COL11A1: variants seen among roughly 807,000 people sequenced by gnomAD.
COL11A1 encodes collagen alpha-1(XI) chain.
COL11A1 carries 74 observed loss-of-function variants against 265.2 expected under a neutral mutation model. That is an observed-to-expected ratio of 0.28 (90% CI 0.23 to 0.34). The LOEUF (loss-of-function observed/expected upper bound fraction) is 0.34. Ranked by LOEUF, COL11A1 falls within the 10% of genes least tolerant of loss-of-function variation. The probability of loss-of-function intolerance (pLI) is 1.00; values close to 1 mark genes in which losing one functional copy is unlikely to be tolerated. For missense variants in COL11A1, 2,165 were observed against 2,263.6 expected (o/e 0.96, Z 0.88); for synonymous variants, 816 against 727.6 (o/e 1.12, Z -1.96).
chr1:102,882,592 A>C (rs988051044), intron 64 of COL11A1, among the ~76,000 whole-genome samples: 2 of 152,162 alleles, frequency 1.3e-5, no homozygotes, highest in Non-Finnish European at 2.9e-5. Flanking sequence ...AGGAAGAATG[A>C]GATTTATTAC....
chr1:102,878,115 A>C lies in COL11A1; in HGVS notation c.5325T>G (p.Ile1775Met). The change falls in exon 67 of 67, where the codon ATT becomes ATG. Residue 1775 changes from isoleucine to methionine, a missense_variant. Ile to Met is a conservative substitution (Grantham distance 10, BLOSUM62 1). Transcript: ENST00000370096. ...TGACATCAACAATAGGTACTTGATC[A>C]ATTTTTGGTGTATTGATTTCAATGA... is the stretch of plus-strand genomic sequence containing the variant. ...KTVIEINTPK[I>M]DQVPIVDVMI... The C allele has an allele frequency of 6.2e-7, 1 of 1,613,402 alleles. No homozygotes were observed. Among genetic ancestry groups the C allele is most frequent in the South Asian group, 1.1e-5 (1 of 91,064 alleles).
Position 102,937,223 on chromosome 1 carries a change from C to T in COL11A1, c.3438+1812G>A, listed in dbSNP as rs1016466274. 3.9e-5 allele frequency among the ~76,000 whole-genome samples: 6 copies of T among 152,104 alleles called. No homozygotes were observed. The East Asian group carries it at 1.2e-3, about 29-fold the overall frequency. ...CTTTTTGGGCTCCTAAAAACCTTTC[C>T]GAGTATGCAAGGGTCCTAAGGCAAA... On this transcript the variant is annotated intron_variant, in intron 44 of 66. Transcript: ENST00000370096.
At chr1:102,915,500 G>T in intron 50 of COL11A1, 131 bp downstream of exon 50, 1 of 794,516 alleles carries the variant, frequency 1.3e-6, no homozygotes, top group Non-Finnish European at 2.3e-6. Context: ...TTGTATTTGT[G>T]ATTTTCCTTA....
intron 52 of COL11A1, among the ~76,000 whole-genome samples, chr1:102,914,132 G>C (rs578105115): frequency 1.3e-5 from 2 of 152,162 alleles, no homozygotes; most frequent in African/African-American, 4.8e-5. Context: ...TAATCCAATT[G>C]TTGTACCTAT....
In COL11A1 at chr1:102,877,782, G is replaced by A. The variant is rs1336139685; in HGVS notation, c.*237C>T. ...ATAGGAAAAGGAGAGTTGAGAATTG[G>A]GAATCAAGAATCAGCCCTGTTTCCA... is the stretch of plus-strand genomic sequence containing the variant. On this transcript the variant is annotated 3_prime_UTR_variant, in exon 67 of 67. Transcript: ENST00000370096. The A allele has an allele frequency of 2.3e-6, 1 of 426,184 alleles. No homozygotes were observed. The highest frequency in any genetic ancestry group is 2.0e-5 in the African/African-American group (1 of 49,592). 26.4% of individuals were successfully genotyped at this position (426,184 alleles called of 1,614,324 possible).
intron 6 of COL11A1, chr1:103,025,908 A>G (rs1440936903): frequency 1.2e-6 from 2 of 1,612,828 alleles, no homozygotes; most frequent in South Asian, 1.1e-5. Context: ...CCTTTGATTT[A>G]GTAGCCACTG....
chr1:102,915,785 T>C, intron 49 of COL11A1, 101 bp from the exon 50 acceptor site: 1 of 938,512 alleles, frequency 1.1e-6, no homozygotes, highest in South Asian at 1.6e-5. Flanking sequence ...CCCTTATTTT[T>C]TTATATTATT....
At chr1:102,936,493 GA>G (rs2101241700) in intron 44 of COL11A1, among the ~76,000 whole-genome samples, 1 of 152,196 alleles carries the variant, frequency 6.6e-6, no homozygotes, top group African/African-American at 2.4e-5. Context: ...GGATTTCAAA[GA>G]AAACAACTGA....
chr1:102,990,296 C>T (rs1026043072), intron 28 of COL11A1, among the ~76,000 whole-genome samples: 3 of 151,480 alleles, frequency 2.0e-5, no homozygotes, highest in African/African-American at 4.8e-5. Flanking sequence ...ATGATTTTCC[C>T]TTAATTTACT....
chr1:103,003,036 C>G (rs1665269340), intron 21 of COL11A1, among the ~76,000 whole-genome samples, 179 bp downstream of exon 21: 3 of 151,974 alleles, frequency 2.0e-5, no homozygotes, highest in Admixed American at 2.0e-4. Flanking sequence ...GATAGATAAT[C>G]AAAAGGAAGA....
In COL11A1 at chr1:103,025,153, G is replaced by A. The variant is rs1171550042; in HGVS notation, c.990+368C>T. On this transcript the variant is annotated intron_variant, in intron 7 of 66. Coordinates refer to ENST00000370096, the MANE Select transcript of COL11A1 (RefSeq NM_001854.4). ...GAGTAAAATTCTAATTGTATCCTTCGATGATACAATTTTCACTTTAGAGGA... is the reference window on the plus strand; with the variant it reads ...GAGTAAAATTCTAATTGTATCCTTCAATGATACAATTTTCACTTTAGAGGA... Among the ~76,000 whole-genome samples, 3 of 152,006 alleles carry A rather than the reference G, an allele frequency of 2.0e-5. No homozygotes were observed. The East Asian group carries it at 5.8e-4, about 29-fold the overall frequency.
intron 6 of COL11A1, 43 bp downstream of exon 6, chr1:103,026,173 G>T: frequency 2.2e-6 from 3 of 1,392,378 alleles, no homozygotes; most frequent in Non-Finnish European, 3.1e-6. Context: ...ACAGGATGAC[G>T]AACAGCAGGA....
intron 1 of COL11A1, among the ~76,000 whole-genome samples, chr1:103,095,991 G>T (rs865995779): frequency 1.3e-5 from 2 of 151,996 alleles, no homozygotes; most frequent in Non-Finnish European, 1.5e-5. Flanking sequence ...ATAACAAGCT[G>T]TATAGGTCCT....
chr1:102,957,857 AT>A (rs1301025305), intron 41 of COL11A1, among the ~76,000 whole-genome samples: 1 of 152,088 alleles, frequency 6.6e-6, no homozygotes, highest in Non-Finnish European at 1.5e-5. Context: ...GAAAAAAAAA[AT>A]CTACCATTCC....
rs11164634 is a variant in COL11A1, at chr1:102,890,551, A to G, written c.4303-47T>C. On this transcript the variant is annotated intron_variant, in intron 57 of 66. Coordinates refer to ENST00000370096, the MANE Select transcript of COL11A1 (RefSeq NM_001854.4). Reference sequence around the variant, plus strand: ...ACCCCAAAACAAAAACAGAGTAGGTATGAATTAGAGAATCCTATAACTAGT... The same window carrying G: ...ACCCCAAAACAAAAACAGAGTAGGTGTGAATTAGAGAATCCTATAACTAGT... 0.12 allele frequency: 175,248 copies of G among 1,516,076 alleles called. 11,926 individuals are homozygous for G. Among genetic ancestry groups the G allele is most frequent in the East Asian group, 0.29 (12,695 of 43,810 alleles). 93.9% of individuals were successfully genotyped at this position (1,516,076 alleles called of 1,614,324 possible).
chr1:103,008,474 G>T lies in COL11A1; in HGVS notation c.1672C>A (p.Pro558Thr). Residue 558 changes from proline to threonine, a missense_variant, in exon 15 of 67, where the codon CCA becomes ACA. Physicochemically the swap from Pro to Thr is conservative, Grantham distance 38 (BLOSUM62 -1). Transcript: ENST00000370096. ...SSGAKGESGD[P>T]GPQGPRGVQG... ...TTTTTATTTTTTACCTGAGGACCTG[G>T]ATCACCACTCTCACCTTTGGCCCCA... 1 of 1,613,668 alleles carries T rather than the reference G, an allele frequency of 6.2e-7. No individual in the cohort carries two copies. The highest frequency in any genetic ancestry group is 8.5e-7 in the Non-Finnish European group (1 of 1,179,750).
Position 102,877,896 on chromosome 1 carries a change from G to T in COL11A1, c.*123C>A. On this transcript the variant is annotated 3_prime_UTR_variant, in exon 67 of 67. Transcript: ENST00000370096. Reference sequence around the variant, plus strand: ...ACAAAGGCATCGGTATTTCCTAAATGGTACCTGTATATGCAGCGTTGTTTT... The same window carrying T: ...ACAAAGGCATCGGTATTTCCTAAATTGTACCTGTATATGCAGCGTTGTTTT... The T allele has an allele frequency of 1.1e-6, 1 of 926,926 alleles. No homozygotes were observed. Among genetic ancestry groups the T allele is most frequent in the Non-Finnish European group, 1.7e-6 (1 of 571,750 alleles). 57.4% of individuals were successfully genotyped at this position (926,926 alleles called of 1,614,324 possible).
chr1:102,985,381 G>T (rs1362076292), intron 30 of COL11A1, among the ~76,000 whole-genome samples: 1 of 152,060 alleles, frequency 6.6e-6, no homozygotes, highest in Non-Finnish European at 1.5e-5. Flanking sequence ...GTCATGATCA[G>T]CATTACATAG....
chr1:103,073,253 T>G (rs1038527538), intron 4 of COL11A1, among the ~76,000 whole-genome samples: 1 of 151,814 alleles, frequency 6.6e-6, no homozygotes, highest in Non-Finnish European at 1.5e-5. Context: ...GGAAAGAAAT[T>G]CCACTGATAC....
Sources: gnomAD v4.1 joint callset for allele counts (sites outside exome capture counted in the v4.1 genomes callset) on GRCh38, gnomAD v4.1.1 for gene constraint, MANE v1.5 for transcripts, NCBI Gene and HGNC (gene_info 2026-07-23, HGNC 2026-07-21) for gene names.